CCDC138: variants seen among roughly 807,000 people sequenced by gnomAD.
CCDC138 encodes coiled-coil domain containing 138, also known as coiled-coil domain-containing protein 138.
In CCDC138, 66 loss-of-function variants were observed where a neutral mutation model predicts 82.3. That is an observed-to-expected ratio of 0.80 (90% CI 0.66 to 0.98). The LOEUF (loss-of-function observed/expected upper bound fraction) is 0.98, where lower values mean the gene tolerates loss of function less well. Among genes scored for constraint, CCDC138 ranks in the 50% least tolerant of loss-of-function variants. CCDC138 has a pLI of 0.00. For missense variants in CCDC138, 816 were observed against 758.9 expected, an observed-to-expected ratio of 1.08 and a Z score of -0.88; for synonymous variants, 297 against 265.4, an observed-to-expected ratio of 1.12 and a Z score of -1.16.
At chr2:108,833,062 A>G (rs1233060013) in intron 10 of CCDC138, among the ~76,000 whole-genome samples, 3 of 152,240 alleles carry the variant, frequency 2.0e-5, no homozygotes, top group Non-Finnish European at 2.9e-5. Context: ...GACATTTTGG[A>G]AAAAGCAAAA....
chr2:108,794,462 C>T (rs1003057742), intron 4 of CCDC138, 78 bp from the exon 5 acceptor site: 3 of 1,290,092 alleles, frequency 2.3e-6, no homozygotes, highest in South Asian at 1.6e-5. Context: ...TAAAGCATCT[C>T]TTCCTAAAGG....
intron 11 of CCDC138, among the ~76,000 whole-genome samples, chr2:108,846,256 A>G (rs887054099): frequency 6.6e-6 from 1 of 152,234 alleles, no homozygotes; most frequent in Non-Finnish European, 1.5e-5. Flanking sequence ...CATGTTTTAG[A>G]AAAATGTACA....
intron 10 of CCDC138, among the ~76,000 whole-genome samples, chr2:108,821,053 C>G (rs1164407817): frequency 1.3e-5 from 2 of 152,034 alleles, no homozygotes; most frequent in Non-Finnish European, 2.9e-5. Flanking sequence ...GGGGTTAATA[C>G]AACATATAAA....
intron 11 of CCDC138, among the ~76,000 whole-genome samples, chr2:108,845,683 T>C (rs932674209): frequency 3.3e-5 from 5 of 151,760 alleles, no homozygotes; most frequent in African/African-American, 1.2e-4. Flanking sequence ...ACCATTCTCC[T>C]GTCTCAGCCT....
intron 10 of CCDC138, among the ~76,000 whole-genome samples, chr2:108,824,185 A>G (rs976461328): frequency 6.6e-6 from 1 of 152,142 alleles, no homozygotes; most frequent in Admixed American, 6.6e-5. Flanking sequence ...TTCTTCATTA[A>G]CAAATTAAGC....
At chr2:108,861,571 C>G (rs1458280828) in intron 13 of CCDC138, among the ~76,000 whole-genome samples, 1 of 150,646 alleles carries the variant, frequency 6.6e-6, no homozygotes, top group African/African-American at 2.5e-5. Context: ...ACCTCCGCCT[C>G]CTGGGTTCAA....
chr2:108,835,741 AT>A (rs2150359048), intron 10 of CCDC138, among the ~76,000 whole-genome samples: 1 of 152,324 alleles, frequency 6.6e-6, no homozygotes, highest in South Asian at 2.1e-4. Context: ...CTCCAGAAAT[AT>A]TTTATCTTGC....
intron 10 of CCDC138, among the ~76,000 whole-genome samples, chr2:108,817,641 G>A (rs115848683): frequency 0.022 from 3,305 of 152,202 alleles, 115 homozygotes; most frequent in African/African-American, 0.076. Flanking sequence ...CAGTCACAAA[G>A]GACATACAAA....
At chr2:108,872,818 C>T (rs1695485795) in intron 13 of CCDC138, among the ~76,000 whole-genome samples, 1 of 152,192 alleles carries the variant, frequency 6.6e-6, no homozygotes, top group African/African-American at 2.4e-5. Context: ...AGCATTCTGC[C>T]TGCAGGCCCC....
chr2:108,827,297 T>C (rs1488915042), intron 10 of CCDC138, among the ~76,000 whole-genome samples: 2 of 152,178 alleles, frequency 1.3e-5, no homozygotes, highest in Non-Finnish European at 2.9e-5. Context: ...ATCTTCCAAA[T>C]ACATCAATAT....
chr2:108,880,595 T>C (rs1054194145), downstream of CCDC138, among the ~76,000 whole-genome samples: 1 of 152,208 alleles, frequency 6.6e-6, no homozygotes, highest in African/African-American at 2.4e-5. Context: ...AATGCTCATT[T>C]GCCATTCTGT....
intron 11 of CCDC138, among the ~76,000 whole-genome samples, chr2:108,841,935 A>G (rs1045308144): frequency 1.4e-4 from 22 of 151,958 alleles, no homozygotes; most frequent in African/African-American, 4.1e-4. Flanking sequence ...TCTTCTTGGT[A>G]TTACATTTGT....
At chr2:108,821,449 T>C (rs1265810555) in intron 10 of CCDC138, among the ~76,000 whole-genome samples, 1 of 152,196 alleles carries the variant, frequency 6.6e-6, no homozygotes, top group Non-Finnish European at 1.5e-5. Context: ...GCATTATTGA[T>C]GTAAAATAGT....
chr2:108,824,580 G>T (rs1182788037), intron 10 of CCDC138, among the ~76,000 whole-genome samples: 1 of 152,088 alleles, frequency 6.6e-6, no homozygotes, highest in Non-Finnish European at 1.5e-5. Context: ...CCTGCCTGAG[G>T]CTGTTTTACA....
intron 13 of CCDC138, among the ~76,000 whole-genome samples, chr2:108,859,196 GT>G (rs2104737422): frequency 6.6e-6 from 1 of 152,272 alleles, no homozygotes; most frequent in Admixed American, 6.5e-5. Flanking sequence ...CTACTTGTAT[GT>G]CTTCTTTTGA....
chr2:108,884,077 A>G (rs1273323571), intron 2 of CCDC138: 1 of 152,156 alleles, frequency 6.6e-6, no homozygotes, highest in Non-Finnish European at 1.5e-5. Context: ...CTAATTTTTA[A>G]AATATTTGTA....
intron 10 of CCDC138, among the ~76,000 whole-genome samples, chr2:108,817,017 C>T (rs1207612436): frequency 1.3e-5 from 2 of 152,068 alleles, no homozygotes; most frequent in Admixed American, 6.5e-5. Flanking sequence ...CTTAAAGGCC[C>T]CACTTATCAA....
chr2:108,800,365 A>G (rs191783766), intron 6 of CCDC138, among the ~76,000 whole-genome samples: 1 of 152,156 alleles, frequency 6.6e-6, no homozygotes, highest in African/African-American at 2.4e-5. Flanking sequence ...CCTGGGTTCA[A>G]GCGATTCTCC....
chr2:108,822,060 A>G (rs1018871960), intron 10 of CCDC138, among the ~76,000 whole-genome samples: 5 of 152,188 alleles, frequency 3.3e-5, no homozygotes, highest in African/African-American at 1.2e-4. Flanking sequence ...GCTGTCTACA[A>G]GGGACTCATT....
Sources: gnomAD v4.1 joint callset for allele counts (sites outside exome capture counted in the v4.1 genomes callset) on GRCh38, gnomAD v4.1.1 for gene constraint, MANE v1.5 for transcripts, NCBI Gene and HGNC (gene_info 2026-07-23, HGNC 2026-07-21) for gene names.